The following MAPK8IP1 variants were observed in gnomAD, a reference collection of about 807,000 sequenced individuals.
MAPK8IP1 encodes C-Jun-amino-terminal kinase-interacting protein 1.
Under a neutral mutation model 72.6 loss-of-function variants are expected in MAPK8IP1, and 17 were observed. The ratio of observed to expected loss-of-function variants is 0.23; its 90% confidence interval spans 0.16 to 0.35. The LOEUF (loss-of-function observed/expected upper bound fraction) is 0.35, where lower values mean the gene tolerates loss of function less well. Ranked by LOEUF, MAPK8IP1 falls within the 10% of genes least tolerant of loss-of-function variation. The probability of loss-of-function intolerance (pLI) is 1.00; values close to 1 mark genes in which losing one functional copy is unlikely to be tolerated. For missense variants in MAPK8IP1, 789 were observed against 1,009.7 expected (o/e 0.78, Z 2.96); for synonymous variants, 401 against 443.4 (o/e 0.90, Z 1.20).
At position 45,894,163 on chromosome 11, in the gene MAPK8IP1, T is replaced by C. The variant is rs2086586603; in HGVS notation, c.102-3922T>C. Among the ~76,000 whole-genome samples the C allele has an allele frequency of 4.6e-5, 7 of 152,180 alleles. No individual in the cohort carries two copies. The South Asian group carries it at 1.4e-3, about 31-fold the overall frequency. On this transcript the variant is annotated intron_variant, in intron 1 of 11. Transcript: ENST00000241014. ...CTTTATGTCTAAGCCTTAGTGTTCC[T>C]CATCTGTAAAATGGGAAAAATGGAA... is the stretch of plus-strand genomic sequence containing the variant.
intron 1 of MAPK8IP1, among the ~76,000 whole-genome samples, chr11:45,890,178 G>C (rs372887425): frequency 6.6e-6 from 1 of 152,290 alleles, no homozygotes; most frequent in East Asian, 1.9e-4. Context: ...GGAGGGTGGA[G>C]AGCAGGATGT....
intron 1 of MAPK8IP1, among the ~76,000 whole-genome samples, chr11:45,895,708 G>C (rs1355524669): frequency 6.6e-6 from 1 of 151,198 alleles, no homozygotes. Flanking sequence ...GCACCTCTGG[G>C]TCAGCGGTCC....
intron 1 of MAPK8IP1, among the ~76,000 whole-genome samples, chr11:45,894,419 C>T (rs1418682672): frequency 6.7e-6 from 1 of 148,398 alleles, no homozygotes; most frequent in African/African-American, 2.4e-5. Context: ...AGGGATCAGG[C>T]ATAGGCTCTC....
intron 1 of MAPK8IP1, chr11:45,896,860 C>G: frequency 6.5e-7 from 1 of 1,549,540 alleles, no homozygotes; most frequent in Non-Finnish European, 8.7e-7. Context: ...CCGCAGCCCC[C>G]CGGCCGGGCA....
rs769616242 is a variant in MAPK8IP1 at position 45,904,814 on chromosome 11, G to A, written c.1873G>A (p.Asp625Asn). 36 of 1,614,052 alleles carry A rather than the reference G, an allele frequency of 2.2e-5. 1 individual carries two copies. In the South Asian group the frequency reaches 3.1e-4, roughly 14 times the overall value. Residue 625 changes from aspartate to asparagine, a missense_variant, in exon 9 of 12, where the codon GAT becomes AAT. Physicochemically the swap from Asp to Asn is conservative, Grantham distance 23 (BLOSUM62 1). This residue lies in a region of MAPK8IP1 where 188 missense variants were observed against 293.3 expected (regional missense o/e 0.64). Transcript: ENST00000241014. This position sits in a 1 kb window ranked among gnomAD's most constrained non-coding sequence, Gnocchi z 6.4. ...VRGVKIGVKA[D>N]DSQEAKGNKC... ...GGGTGTGAAGATAGGCGTCAAGGCCGATGACTCCCAGGAGGCCAAGGTGAC... is the reference window on the plus strand; with the variant it reads ...GGGTGTGAAGATAGGCGTCAAGGCCAATGACTCCCAGGAGGCCAAGGTGAC...
chr11:45,905,666 T>C lies in MAPK8IP1; in HGVS notation c.2081T>C (p.Phe694Ser), dbSNP rs761410699. 1.7e-5 allele frequency: 28 copies of C among 1,613,908 alleles called. No homozygotes were observed. In the African/African-American group the frequency reaches 2.9e-4, roughly 17 times the overall value. The part of the protein sequence containing the change: ...AESVGRAFQQ[F>S]YKQFVEYTCP... ...GCTTCTAGGAGAGCATTCCAGCAGT[T>C]CTACAAGCAGTTTGTGGAGTACACC... The change falls in exon 12 of 12, where the codon TTC becomes TCC. Residue 694 changes from phenylalanine to serine, a missense_variant. Around this residue, in one of 4 missense-constraint regions of MAPK8IP1, gnomAD observed 188 missense variants for 293.3 expected, o/e 0.64. Coordinates refer to ENST00000241014, the MANE Select transcript of MAPK8IP1 (RefSeq NM_005456.4).
At chr11:45,890,134 C>CG (rs2134665080) in intron 1 of MAPK8IP1, among the ~76,000 whole-genome samples, 1 of 152,226 alleles carries the variant, frequency 6.6e-6, no homozygotes, top group East Asian at 1.9e-4. Context: ...GAGACCAGAG[C>CG]GGGTGGGCAG....
At chr11:45,905,098 G>T in intron 10 of MAPK8IP1, 53 bp from the exon 11 acceptor site, 2 of 1,611,454 alleles carry the variant, frequency 1.2e-6, no homozygotes, top group South Asian at 1.1e-5. Flanking sequence ...GCCTTGAGGT[G>T]GGTGGGTGTG....
chr11:45,887,667 G>A (rs1165765441), intron 1 of MAPK8IP1, among the ~76,000 whole-genome samples: 1 of 152,230 alleles, frequency 6.6e-6, no homozygotes, highest in Non-Finnish European at 1.5e-5. Context: ...AGGAGCTGAG[G>A]AAGCAGACAC....
In MAPK8IP1 at chr11:45,906,075, C is replaced by CTCCTGCCTTGATGAAGCCCGTG. The variant is rs2086706500; in HGVS notation, c.*373_*394dup. 1 of 458,776 alleles carries CTCCTGCCTTGATGAAGCCCGTG rather than the reference C, an allele frequency of 2.2e-6. No individual in the cohort carries two copies. The highest frequency in any genetic ancestry group is 4.1e-5 in the East Asian group (1 of 24,372). The allele number at this position is 458,776 out of a possible 1,614,324, so 28.4% of individuals were successfully genotyped here. A position where few individuals can be genotyped will look rare whatever the true frequency, so the allele number is the denominator to read the frequency against. ...CCCTGCCAGGGCTCGGGCGCTGTGGCTCCTGCCTTGATGAAGCCCGTGTCC... is the reference window on the plus strand; with the variant it reads ...CCCTGCCAGGGCTCGGGCGCTGTGGCTCCTGCCTTGATGAAGCCCGTGTCCTGCCTTGATGAAGCCCGTGTCC... On this transcript the variant is annotated 3_prime_UTR_variant, in exon 12 of 12. Transcript: ENST00000241014.
Position 45,895,650 on chromosome 11 carries a change from A to G in MAPK8IP1, c.102-2435A>G, listed in dbSNP as rs1299306796. 4.1e-5 allele frequency among the ~76,000 whole-genome samples: 6 copies of G among 146,316 alleles called. 1 individual carries two copies. The highest frequency in any genetic ancestry group is 9.0e-5 in the Non-Finnish European group (6 of 66,588). The stretch of plus-strand genomic sequence containing the variant: ...AAAAAAAAAATATATATATATATAT[A>G]TATATATATATGTGCAGAGGTCACT... On this transcript the variant is annotated intron_variant, in intron 1 of 11. Transcript: ENST00000241014.
Position 45,900,467 on chromosome 11 carries a change from TG to T in MAPK8IP1, c.522+21del. 1.3e-6 allele frequency: 2 copies of T among 1,529,392 alleles called. No homozygotes were observed. Among genetic ancestry groups the T allele is most frequent in the East Asian group, 2.5e-5 (1 of 40,460 alleles). The allele number at this position is 1,529,392 out of a possible 1,614,324, so 94.7% of individuals were successfully genotyped here. A position where few individuals can be genotyped will look rare whatever the true frequency, so the allele number is the denominator to read the frequency against. On this transcript the variant is annotated intron_variant, in intron 3 of 11. Coordinates refer to ENST00000241014, the MANE Select transcript of MAPK8IP1 (RefSeq NM_005456.4). The surrounding 1 kb of genome is among the most constrained non-coding windows in gnomAD (Gnocchi z 6.5). ...CGCGGTCTCAGGTGAGGCGCCAACGTGGGGGGCGGCGCCCTGGGCCGCCGCG... is the reference window on the plus strand; with the variant it reads ...CGCGGTCTCAGGTGAGGCGCCAACGTGGGGGCGGCGCCCTGGGCCGCCGCG...
Position 45,902,121 on chromosome 11 carries a change from C to A in MAPK8IP1, c.604+60C>A. 1 of 1,438,924 alleles carries A rather than the reference C, an allele frequency of 6.9e-7. No individual in the cohort carries two copies. The highest frequency in any genetic ancestry group is 1.1e-5 in the South Asian group (1 of 87,620). The allele number at this position is 1,438,924 out of a possible 1,614,324, so 89.1% of individuals were successfully genotyped here. ...GCCTGCCCTGACTCAGTCCCCACTA[C>A]AGAGAGCAAACCCTACAGTCTCCAA... is the stretch of plus-strand genomic sequence containing the variant. On this transcript the variant is annotated intron_variant, in intron 4 of 11. Coordinates refer to ENST00000241014, the MANE Select transcript of MAPK8IP1 (RefSeq NM_005456.4). This position sits in a 1 kb window ranked among gnomAD's most constrained non-coding sequence, Gnocchi z 9.3.
chr11:45,905,078 G>A, intron 10 of MAPK8IP1, 37 bp downstream of exon 10: 1 of 1,613,054 alleles, frequency 6.2e-7, no homozygotes, highest in South Asian at 1.1e-5. Context: ...GGAGGCACGG[G>A]TGGTCTGCAG....
chr11:45,901,262 G>A (rs2086651273), intron 3 of MAPK8IP1, among the ~76,000 whole-genome samples: 3 of 152,100 alleles, frequency 2.0e-5, no homozygotes, highest in Admixed American at 2.0e-4. Flanking sequence ...TCCGTGGAGT[G>A]GAGGGAGCCC....
chr11:45,896,271 A>G (rs1311763232), intron 1 of MAPK8IP1, among the ~76,000 whole-genome samples: 1 of 152,198 alleles, frequency 6.6e-6, no homozygotes, highest in Admixed American at 6.5e-5. Flanking sequence ...CCCAGTTTGG[A>G]TGCAGCCTGG....
chr11:45,904,920 C>T lies in MAPK8IP1; in HGVS notation c.1894-51C>T, dbSNP rs576471268. On this transcript the variant is annotated intron_variant, in intron 9 of 11. Transcript: ENST00000241014. This position sits in a 1 kb window ranked among gnomAD's most constrained non-coding sequence, Gnocchi z 6.4. ...GATGAAGAGGCCATCTCCTGTCACC[C>T]TCACTGCAGGCCAGGTGACCGCCCT... 2 of 1,594,628 alleles carry T rather than the reference C, an allele frequency of 1.3e-6. No homozygotes were observed. The highest frequency in any genetic ancestry group is 1.7e-6 in the Non-Finnish European group (2 of 1,162,394).
At position 45,900,735 on chromosome 11, in the gene MAPK8IP1, A is replaced by C. The variant is rs1303627666; in HGVS notation, c.522+283A>C. ...AGAGGAGTAGGGAATTAAGAGAATG[A>C]GGCTTTGAGGGGTTCGAAGGGTTTG... On this transcript the variant is annotated intron_variant, in intron 3 of 11. Coordinates refer to ENST00000241014, the MANE Select transcript of MAPK8IP1 (RefSeq NM_005456.4). The surrounding 1 kb of genome is among the most constrained non-coding windows in gnomAD (Gnocchi z 6.5). Among the ~76,000 whole-genome samples, 1 of 152,044 alleles carries C rather than the reference A, an allele frequency of 6.6e-6. No individual in the cohort carries two copies. Among genetic ancestry groups the C allele is most frequent in the Non-Finnish European group, 1.5e-5 (1 of 67,996 alleles).
chr11:45,899,348 G>C (rs539017775), intron 2 of MAPK8IP1, among the ~76,000 whole-genome samples: 1 of 152,244 alleles, frequency 6.6e-6, no homozygotes. Context: ...CCAGAGGTGT[G>C]CCCCTAAGGG....
Sources: allele counts gnomAD v4.1 joint callset (sites outside exome capture counted in the v4.1 genomes callset), GRCh38; gene constraint gnomAD v4.1.1; regional missense constraint gnomAD v4.1.1; non-coding constraint Gnocchi (gnomAD v3.1); transcripts MANE v1.5; gene names NCBI Gene and HGNC (gene_info 2026-07-23, HGNC 2026-07-21).